The following CRAMP1 variants were observed in gnomAD, a reference collection of about 807,000 sequenced individuals.
CRAMP1 encodes the protein cramped chromatin regulator 1.
A neutral mutation model predicts 115.4 loss-of-function variants in CRAMP1; 50 were observed. That is an observed-to-expected ratio of 0.43 (90% CI 0.35 to 0.55). CRAMP1 has a LOEUF of 0.55. CRAMP1 is among the 20% of genes least tolerant of loss of function. The pLI, the probability that CRAMP1 is intolerant of heterozygous loss-of-function variation, is 0.01. For missense variants in CRAMP1, 1,679 were observed against 1,721.7 expected (o/e 0.98, Z 0.44); for synonymous variants, 866 against 745.4 (o/e 1.16, Z -2.64).
At chr16:1,615,651 C>G (rs2036412448) in intron 2 of CRAMP1, among the ~76,000 whole-genome samples, 1 of 152,212 alleles carries the variant, frequency 6.6e-6, no homozygotes, top group Non-Finnish European at 1.5e-5. Flanking sequence ...TGCTACTTAG[C>G]TGGGGTCTCT....
intron 5 of CRAMP1, among the ~76,000 whole-genome samples, chr16:1,639,811 G>A (rs952494718): frequency 1.3e-5 from 2 of 152,202 alleles, no homozygotes; most frequent in African/African-American, 2.4e-5. Context: ...TGTTACTTAG[G>A]TGTGGAAAGT....
At chr16:1,651,289 G>A (rs1035869588) in intron 6 of CRAMP1, among the ~76,000 whole-genome samples, 2 of 151,560 alleles carry the variant, frequency 1.3e-5, no homozygotes, top group African/African-American at 2.4e-5. Context: ...GCTGGACTGA[G>A]GTCACACACA....
intron 2 of CRAMP1, among the ~76,000 whole-genome samples, chr16:1,620,088 A>G (rs1335634957): frequency 6.6e-6 from 1 of 152,022 alleles, no homozygotes; most frequent in African/African-American, 2.4e-5. Flanking sequence ...GGCTTGCTTG[A>G]AGGGTCCCCC....
chr16:1,653,595 C>T (rs1185380112), intron 8 of CRAMP1, among the ~76,000 whole-genome samples: 1 of 152,074 alleles, frequency 6.6e-6, no homozygotes, highest in Non-Finnish European at 1.5e-5. Flanking sequence ...TTTGGGAGGC[C>T]AGGGCGGGTG....
At position 1,675,830 on chromosome 16, in the gene CRAMP1, A is replaced by G. The variant is rs2036962834; in HGVS notation, c.*1785A>G. 1 of 152,262 alleles carries G rather than the reference A, an allele frequency of 6.6e-6. No individual in the cohort carries two copies. Among genetic ancestry groups the G allele is most frequent in the South Asian group, 2.1e-4 (1 of 4,836 alleles). The allele number at this position is 152,262 out of a possible 1,614,324, so 9.4% of individuals were successfully genotyped here. On this transcript the variant is annotated 3_prime_UTR_variant, in exon 21 of 21. Transcript: ENST00000397412. The stretch of plus-strand genomic sequence containing the variant: ...ACCTCTTAGGGGTGAAAAAAGAAAC[A>G]TGCCACTTGATTAGGAGAGAGACAG...
intron 2 of CRAMP1, among the ~76,000 whole-genome samples, chr16:1,617,936 T>A (rs1340653876): frequency 6.6e-6 from 1 of 152,234 alleles, no homozygotes; most frequent in Non-Finnish European, 1.5e-5. Flanking sequence ...AGTAGATTGT[T>A]TAAGTCACAT....
chr16:1,629,947 TGTCA>T (rs995686254), intron 3 of CRAMP1, among the ~76,000 whole-genome samples: 4 of 151,990 alleles, frequency 2.6e-5, no homozygotes, highest in African/African-American at 9.7e-5. Flanking sequence ...TCCTAAAATG[TGTCA>T]GTGTGTCAAG....
chr16:1,654,871 C>T (rs1218455476), intron 8 of CRAMP1, among the ~76,000 whole-genome samples: 4 of 152,266 alleles, frequency 2.6e-5, no homozygotes, highest in Middle Eastern at 3.2e-3. Flanking sequence ...TGTATTAACA[C>T]TGTCCAGGCC....
At chr16:1,612,725 G>C (rs1242607981) in intron 1 of CRAMP1, among the ~76,000 whole-genome samples, 68 bp downstream of exon 1, 1 of 152,114 alleles carries the variant, frequency 6.6e-6, no homozygotes, top group South Asian at 2.1e-4. Context: ...GGGCGGCGCG[G>C]GAGAGCGCGG....
chr16:1,669,386 G>GTATA lies in CRAMP1; in HGVS notation c.3499+222_3499+225dup, dbSNP rs1471307476. ...CAGTTCACCAAGCTTTGGCAAGCATGTATAGCCTGGTAACCCACAAGCCAA... is the reference window on the plus strand; with the variant it reads ...CAGTTCACCAAGCTTTGGCAAGCATGTATATATAGCCTGGTAACCCACAAGCCAA... On this transcript the variant is annotated intron_variant, in intron 19 of 20. Coordinates refer to ENST00000397412, the MANE Select transcript of CRAMP1 (RefSeq NM_020825.4). This position sits in a 1 kb window ranked among gnomAD's most constrained non-coding sequence, Gnocchi z 4.6. Among the ~76,000 whole-genome samples the GTATA allele has an allele frequency of 1.3e-5, 2 of 152,326 alleles. No homozygotes were observed. The highest frequency in any genetic ancestry group is 2.1e-4 in the South Asian group (1 of 4,830).
At chr16:1,655,150 T>C in intron 8 of CRAMP1, 69 bp from the exon 9 acceptor site, 1 of 1,367,014 alleles carries the variant, frequency 7.3e-7, no homozygotes, top group Non-Finnish European at 1.0e-6. Context: ...GTAAGCAGCC[T>C]CGGGACTCTT....
At chr16:1,612,697 C>T (rs896900463) in intron 1 of CRAMP1, among the ~76,000 whole-genome samples, 40 bp downstream of exon 1, 7 of 151,928 alleles carry the variant, frequency 4.6e-5, no homozygotes, top group Non-Finnish European at 7.4e-5. Flanking sequence ...TGGCGAGGCC[C>T]GGCCGGGGGG....
intron 3 of CRAMP1, among the ~76,000 whole-genome samples, chr16:1,630,192 A>C (rs1202020362): frequency 6.6e-6 from 1 of 152,140 alleles, no homozygotes; most frequent in Non-Finnish European, 1.5e-5. Flanking sequence ...TTTGTCACCT[A>C]GGCTGGAGTG....
chr16:1,630,599 G>A (rs542613182), intron 3 of CRAMP1, among the ~76,000 whole-genome samples: 1 of 152,246 alleles, frequency 6.6e-6, no homozygotes, highest in Non-Finnish European at 1.5e-5. Context: ...CTCATTTGCA[G>A]GCGGTATTCA....
Position 1,612,443 on chromosome 16 carries a change from C to A in CRAMP1, c.-216C>A, listed in dbSNP as rs1468676060. 6.6e-6 allele frequency: 1 copy of A among 151,330 alleles called. No individual in the cohort carries two copies. The highest frequency in any genetic ancestry group is 1.5e-5 in the Non-Finnish European group (1 of 67,724). The allele number at this position is 151,330 out of a possible 1,614,324, so 9.4% of individuals were successfully genotyped here. On this transcript the variant is annotated 5_prime_UTR_variant, in exon 1 of 21. Transcript: ENST00000397412. ...CTAGGGTGAGTGGCGGCAGTATCTG[C>A]GTCCGCAGCCCCCGCAGCCGCGCGC...
chr16:1,649,225 A>C (rs2142192709), intron 6 of CRAMP1, among the ~76,000 whole-genome samples: 1 of 152,298 alleles, frequency 6.6e-6, no homozygotes, highest in East Asian at 1.9e-4. Context: ...TCCAAGGCTC[A>C]GCTCTGTCCT....
At position 1,677,465 on chromosome 16, in the gene CRAMP1, G is replaced by A. The variant is rs2036979914; in HGVS notation, c.*3420G>A. ...TCTCAAGTTAAAAAAAGAAAGCAAGGAAAGAGTAATTTACAACGAAGGAAA... is the reference window on the plus strand; with the variant it reads ...TCTCAAGTTAAAAAAAGAAAGCAAGAAAAGAGTAATTTACAACGAAGGAAA... On this transcript the variant is annotated 3_prime_UTR_variant, in exon 21 of 21. Transcript: ENST00000397412. The A allele has an allele frequency of 6.6e-6, 1 of 152,288 alleles. No homozygotes were observed. Among genetic ancestry groups the A allele is most frequent in the Admixed American group, 6.5e-5 (1 of 15,276 alleles). 9.4% of individuals were successfully genotyped at this position (152,288 alleles called of 1,614,324 possible).
intron 6 of CRAMP1, among the ~76,000 whole-genome samples, chr16:1,641,850 G>A (rs929229039): frequency 6.0e-5 from 9 of 151,114 alleles, no homozygotes; most frequent in South Asian, 2.1e-4. Context: ...TCCCCACTCC[G>A]CAGCCTGGGG....
At chr16:1,629,381 CTT>C (rs937206721) in intron 3 of CRAMP1, among the ~76,000 whole-genome samples, 2 of 152,244 alleles carry the variant, frequency 1.3e-5, no homozygotes, top group African/African-American at 4.8e-5. Context: ...CTCTCTCAGA[CTT>C]TCAGCCCTGC....
Sources: allele counts gnomAD v4.1 joint callset (sites outside exome capture counted in the v4.1 genomes callset), GRCh38; gene constraint gnomAD v4.1.1; non-coding constraint Gnocchi (gnomAD v3.1); transcripts MANE v1.5; gene names NCBI Gene and HGNC (gene_info 2026-07-23, HGNC 2026-07-21).